RBMS1: variants seen among roughly 807,000 people sequenced by gnomAD.
The protein encoded by RBMS1 is RNA binding motif single stranded interacting protein 1, also known as RNA-binding motif, single-stranded-interacting protein 1.
Under a neutral mutation model 62.3 loss-of-function variants are expected in RBMS1, and 17 were observed. That is an observed-to-expected ratio of 0.27 (90% CI 0.19 to 0.41). The LOEUF (loss-of-function observed/expected upper bound fraction) is 0.41, where lower values mean the gene tolerates loss of function less well. Ranked by LOEUF, RBMS1 falls within the 10% of genes least tolerant of loss-of-function variation. The pLI is 1.00. For synonymous variants in RBMS1, 172 were observed against 170.0 expected (o/e 1.01, Z -0.09); for missense variants, 334 against 504.5 (o/e 0.66, Z 3.24).
chr2:160,354,847 C>T (rs373860538), intron 2 of RBMS1, among the ~76,000 whole-genome samples: 39 of 152,222 alleles, frequency 2.6e-4, no homozygotes, highest in South Asian at 2.1e-3. Flanking sequence ...AGTTAGTAAG[C>T]GCATAGACAG....
At chr2:160,472,481 T>C (rs1684962448) in intron 1 of RBMS1, among the ~76,000 whole-genome samples, 1 of 152,216 alleles carries the variant, frequency 6.6e-6, no homozygotes, top group African/African-American at 2.4e-5. Flanking sequence ...TAACTAACTT[T>C]AACAAAATAT....
intron 1 of RBMS1, among the ~76,000 whole-genome samples, chr2:160,476,711 C>T (rs1331397370): frequency 2.6e-5 from 4 of 151,646 alleles, no homozygotes; most frequent in Middle Eastern, 3.4e-3. Context: ...CCCGCCACTA[C>T]GCCCGGCTAA....
chr2:160,300,993 G>A (rs575834484), intron 5 of RBMS1, among the ~76,000 whole-genome samples: 3 of 152,178 alleles, frequency 2.0e-5, no homozygotes, highest in Admixed American at 6.5e-5. Context: ...TATATCAAAC[G>A]GATAATTTTA....
At chr2:160,440,704 A>G (rs547325172) in intron 1 of RBMS1, among the ~76,000 whole-genome samples, 52 of 152,278 alleles carry the variant, frequency 3.4e-4, no homozygotes, top group South Asian at 2.3e-3. Flanking sequence ...CACTCTCTGT[A>G]ACATTCTTTC....
At chr2:160,453,347 G>A (rs1227871617) in intron 1 of RBMS1, among the ~76,000 whole-genome samples, 1 of 152,084 alleles carries the variant, frequency 6.6e-6, no homozygotes, top group African/African-American at 2.4e-5. Context: ...CTTTCCAAAA[G>A]TTTCCCCTGT....
intron 1 of RBMS1, among the ~76,000 whole-genome samples, chr2:160,387,908 G>C (rs1478508495): frequency 2.6e-5 from 4 of 152,008 alleles, no homozygotes; most frequent in African/African-American, 4.8e-5. Context: ...GTTTATGCCT[G>C]GCCCTGGCAT....
intron 4 of RBMS1, among the ~76,000 whole-genome samples, chr2:160,304,048 T>A (rs1272660445): frequency 6.6e-6 from 1 of 152,128 alleles, no homozygotes; most frequent in Non-Finnish European, 1.5e-5. Flanking sequence ...CAAAGCCGTA[T>A]AAAATAGTCA....
intron 1 of RBMS1, among the ~76,000 whole-genome samples, chr2:160,471,691 G>GTGTGTATGTATATATATATATATATA (rs1275928756): frequency 6.1e-5 from 4 of 65,940 alleles, no homozygotes; most frequent in Admixed American, 2.1e-4. Context: ...ATCCTTTGGT[G>GTGTGTATGTATATATATATATATATA]TATATATATA....
intron 2 of RBMS1, among the ~76,000 whole-genome samples, chr2:160,357,816 CA>C (rs1692887839): frequency 6.6e-6 from 1 of 152,120 alleles, no homozygotes; most frequent in Admixed American, 6.6e-5. Context: ...AACCGACTGA[CA>C]GTTCTAATGA....
At position 160,450,975 on chromosome 2, in the gene RBMS1, TG is replaced by T. The variant is rs372426308; in HGVS notation, c.75+42313del. ...ATCACTTGAGGCGAGGGCAACATAG[TG>T]AGACCCCATCTCTACAAAAAACTAT... On this transcript the variant is annotated intron_variant, in intron 1 of 13. Coordinates refer to ENST00000348849, the MANE Select transcript of RBMS1 (RefSeq NM_016836.4). Among the ~76,000 whole-genome samples, 134 of 152,162 alleles carry T rather than the reference TG, an allele frequency of 8.8e-4. 2 individuals are homozygous for T. The East Asian group carries it at 0.023, about 27-fold the overall frequency.
At chr2:160,376,544 G>C (rs970098768) in intron 1 of RBMS1, among the ~76,000 whole-genome samples, 4 of 151,982 alleles carry the variant, frequency 2.6e-5, no homozygotes, top group African/African-American at 7.3e-5. Context: ...GCTTATATCT[G>C]ATATGAATAA....
At chr2:160,340,502 C>CAGAG (rs1471128397) in intron 2 of RBMS1, among the ~76,000 whole-genome samples, 15 of 151,966 alleles carry the variant, frequency 9.9e-5, no homozygotes, top group African/African-American at 3.4e-4. Flanking sequence ...AAGGGTGGAA[C>CAGAG]AGAGACCCTA....
At chr2:160,413,921 C>T (rs543111064) in intron 1 of RBMS1, among the ~76,000 whole-genome samples, 1 of 152,306 alleles carries the variant, frequency 6.6e-6, no homozygotes, top group African/African-American at 2.4e-5. Flanking sequence ...CCAAAGTCCC[C>T]TGTCTCCAAT....
At chr2:160,449,630 T>C (rs569280606) in intron 1 of RBMS1, among the ~76,000 whole-genome samples, 7 of 152,248 alleles carry the variant, frequency 4.6e-5, no homozygotes, top group African/African-American at 1.7e-4. Flanking sequence ...GAAGGCAGCA[T>C]GCTCCTTAAG....
intron 6 of RBMS1, among the ~76,000 whole-genome samples, chr2:160,298,650 C>T (rs927959725): frequency 1.3e-5 from 2 of 152,090 alleles, no homozygotes; most frequent in East Asian, 3.9e-4. Context: ...CAAATACATA[C>T]AGCAGACAGA....
At position 160,353,189 on chromosome 2, in the gene RBMS1, C is replaced by CTT. The variant is rs535131294; in HGVS notation, c.251+14025_251+14026dup. Among the ~76,000 whole-genome samples, 265 of 152,134 alleles carry CTT rather than the reference C, an allele frequency of 1.7e-3. 1 individual carries two copies. The highest frequency in any genetic ancestry group is 6.1e-3 in the African/African-American group (255 of 41,520). On this transcript the variant is annotated intron_variant, in intron 2 of 13. Coordinates refer to ENST00000348849, the MANE Select transcript of RBMS1 (RefSeq NM_016836.4). Reference sequence around the variant, plus strand: ...ATAAGTTTATAAATGTAAATTTGTACTTATAAAGCATATAATTAAAAATAC... The same window carrying CTT: ...ATAAGTTTATAAATGTAAATTTGTACTTTTATAAAGCATATAATTAAAAATAC...
At chr2:160,463,973 G>A (rs1222912278) in intron 1 of RBMS1, among the ~76,000 whole-genome samples, 1 of 152,010 alleles carries the variant, frequency 6.6e-6, no homozygotes, top group Non-Finnish European at 1.5e-5. Context: ...AGCCACCTAC[G>A]ATGAACTTAA....
chr2:160,395,102 A>G (rs954237629), intron 1 of RBMS1, among the ~76,000 whole-genome samples: 1 of 152,260 alleles, frequency 6.6e-6, no homozygotes, highest in African/African-American at 2.4e-5. Flanking sequence ...AAAACAAATC[A>G]TGAAGTCAGA....
intron 7 of RBMS1, 33 bp downstream of exon 7, chr2:160,286,936 C>T (rs760758063): frequency 1.2e-6 from 2 of 1,608,564 alleles, no homozygotes; most frequent in Admixed American, 3.3e-5. Flanking sequence ...ACACCCCCTC[C>T]CCCACCCCGC....
Sources: allele counts gnomAD v4.1 joint callset (sites outside exome capture counted in the v4.1 genomes callset), GRCh38; gene constraint gnomAD v4.1.1; transcripts MANE v1.5; gene names NCBI Gene and HGNC (gene_info 2026-07-23, HGNC 2026-07-21).